Variants in BABAM1 observed in about 807,000 individuals in gnomAD.
BABAM1 encodes the protein BRISC and BRCA1-A complex member 1.
Under a neutral mutation model 34.4 loss-of-function variants are expected in BABAM1, and 14 were observed. That is an observed-to-expected ratio of 0.41 (90% confidence interval 0.27 to 0.64). The LOEUF (loss-of-function observed/expected upper bound fraction) is 0.64. Ranked by LOEUF, BABAM1 falls within the 30% of genes least tolerant of loss-of-function variation. The probability of loss-of-function intolerance (pLI) is 0.34; values close to 1 mark genes in which losing one functional copy is unlikely to be tolerated. For synonymous variants in BABAM1, 169 were observed against 165.8 expected (o/e 1.02, Z -0.15); for missense variants, 393 against 434.0 (o/e 0.91, Z 0.84).
chr19:17,272,983 A>C (rs924481083), intron 3 of BABAM1, among the ~76,000 whole-genome samples: 16 of 152,110 alleles, frequency 1.1e-4, no homozygotes, highest in African/African-American at 3.9e-4. Context: ...GCGCCATTGC[A>C]CTCCAGCCTG....
At chr19:17,276,663 A>T (rs1207601116) in intron 7 of BABAM1, 39 bp downstream of exon 7, 1 of 1,579,802 alleles carries the variant, frequency 6.3e-7, no homozygotes, top group Non-Finnish European at 8.6e-7. Context: ...GCCTGCAGCC[A>T]TGAGGATGGT....
rs1267028244 is a variant in BABAM1, at chr19:17,268,813, G to A, written c.7G>A (p.Val3Met). Residue 3 changes from valine (V) to methionine (M), a missense_variant, in exon 2 of 9, where the codon GTG becomes ATG. Val to Met is a conservative substitution (Grantham distance 21). Transcript: ENST00000598188. ME[V>M]AEPSSPTEEE... ...ATCTAGCCACACAGGAGCCATGGAA[G>A]TGGCAGAGCCCAGCAGCCCCACTGA... The A allele has an allele frequency of 6.2e-7, 1 of 1,601,878 alleles. No homozygotes were observed. Among genetic ancestry groups the A allele is most frequent in the South Asian group, 1.1e-5 (1 of 90,048 alleles).
At position 17,278,949 on chromosome 19, in the gene BABAM1, A is replaced by T. The variant is rs1288030235; in HGVS notation, c.891A>T (p.Lys297Asn). Residue 297 changes from lysine (K) to asparagine (N), a missense_variant, in exon 9 of 9, where the codon AAA becomes AAT. Lys to Asn is a moderately conservative substitution (Grantham distance 94). Coordinates refer to ENST00000598188, the MANE Select transcript of BABAM1 (RefSeq NM_014173.4). ...PALELHNCMA[K>N]LLAHPLQRPC... ...TGGAGTTGCACAACTGCATGGCGAA[A>T]CTGTTGGCCCACCCCCTGCAGCGGC... 1.4e-5 allele frequency: 22 copies of T among 1,613,120 alleles called. No individual in the cohort carries two copies. Among genetic ancestry groups the T allele is most frequent in the Non-Finnish European group, 1.7e-5 (20 of 1,179,700 alleles).
chr19:17,276,639 G>A lies in BABAM1; in HGVS notation c.699+15G>A, dbSNP rs2073912468. 2 of 1,595,844 alleles carry A rather than the reference G, an allele frequency of 1.3e-6. No individual in the cohort carries two copies. The highest frequency in any genetic ancestry group is 1.7e-6 in the Non-Finnish European group (2 of 1,171,362). On this transcript the variant is annotated intron_variant, in intron 7 of 8. Coordinates refer to ENST00000598188, the MANE Select transcript of BABAM1 (RefSeq NM_014173.4). Reference sequence around the variant, plus strand: ...AGCCCATGAAGGTGGGTGAGGCCTGGGAGAGGGAGGGGTGCCTGCAGCCAT... The same window carrying A: ...AGCCCATGAAGGTGGGTGAGGCCTGAGAGAGGGAGGGGTGCCTGCAGCCAT...
intron 8 of BABAM1, 139 bp downstream of exon 8, chr19:17,277,048 T>C: frequency 2.6e-6 from 2 of 771,320 alleles, no homozygotes; most frequent in Non-Finnish European, 4.1e-6. Flanking sequence ...GCATTGGTCA[T>C]TGAACAGCCG....
chr19:17,272,784 C>A (rs545999701), intron 3 of BABAM1, among the ~76,000 whole-genome samples: 1 of 152,036 alleles, frequency 6.6e-6, no homozygotes, highest in East Asian at 2.0e-4. Context: ...TTTGGGAGGC[C>A]AAGGTGGGCG....
At chr19:17,276,730 TC>T (rs773632474) in intron 7 of BABAM1, 92 bp from the exon 8 acceptor site, 20 of 1,554,476 alleles carry the variant, frequency 1.3e-5, no homozygotes, top group Non-Finnish European at 1.7e-5. Context: ...AGAGGTAAGT[TC>T]CCAGAGTCTG....
At chr19:17,270,575 G>A (rs971361203) in intron 2 of BABAM1, among the ~76,000 whole-genome samples, 1 of 147,508 alleles carries the variant, frequency 6.8e-6, no homozygotes, top group African/African-American at 2.5e-5. Flanking sequence ...CACCAGGCTG[G>A]TGTGCAGTGG....
At chr19:17,272,848 C>T (rs978425689) in intron 3 of BABAM1, among the ~76,000 whole-genome samples, 5 of 152,202 alleles carry the variant, frequency 3.3e-5, no homozygotes, top group African/African-American at 1.2e-4. Context: ...GAAACCCCCA[C>T]CTCCACTAAA....
At position 17,272,649 on chromosome 19, in the gene BABAM1, G is replaced by A. The variant is rs573721239; in HGVS notation, c.344+994G>A. ...CTCAAATCTCCTGACCTCATGATCC[G>A]CCTGCCTCGGCCTCCCAAAGTGCTG... On this transcript the variant is annotated intron_variant, in intron 3 of 8. Transcript: ENST00000598188. 9.2e-5 allele frequency among the ~76,000 whole-genome samples: 14 copies of A among 151,680 alleles called. No homozygotes were observed. The South Asian group carries it at 1.3e-3, about 14-fold the overall frequency.
At chr19:17,272,635 T>A (rs1293130647) in intron 3 of BABAM1, among the ~76,000 whole-genome samples, 2 of 150,890 alleles carry the variant, frequency 1.3e-5, no homozygotes, top group Non-Finnish European at 3.0e-5. Context: ...TCAAATCTCC[T>A]GACCTCATGA....
chr19:17,275,730 C>G, intron 5 of BABAM1, 71 bp from the exon 6 acceptor site: 1 of 1,599,768 alleles, frequency 6.3e-7, no homozygotes, highest in Non-Finnish European at 8.6e-7. Flanking sequence ...CCTCTGGTAT[C>G]GGGATCGGGG....
chr19:17,274,121 C>T lies in BABAM1; in HGVS notation c.480C>T (p.Thr160=), dbSNP rs759442902. 1.4e-5 allele frequency: 23 copies of T among 1,613,644 alleles called. No individual in the cohort carries two copies. The highest frequency in any genetic ancestry group is 3.3e-5 in the South Asian group (3 of 91,086). Reference sequence around the variant, plus strand: ...CTTCCCTGCAGCTGTCTGGCCTGACCTCCGACCCCCGCGAGCTCTGTAGCT... The same window carrying T: ...CTTCCCTGCAGCTGTCTGGCCTGACTTCCGACCCCCGCGAGCTCTGTAGCT... ...NDDTAWLSGL[T]SDPRELCSCL... The change falls in exon 5 of 9, where the codon ACC becomes ACT. Residue 160 remains threonine, a synonymous_variant. Transcript: ENST00000598188.
At chr19:17,271,702 G>T in intron 3 of BABAM1, 47 bp downstream of exon 3, 3 of 1,588,174 alleles carry the variant, frequency 1.9e-6, no homozygotes, top group Non-Finnish European at 1.7e-6. Flanking sequence ...TGGCAGGGAG[G>T]GTCCAGCCCA....
intron 2 of BABAM1, among the ~76,000 whole-genome samples, chr19:17,269,839 C>T (rs1599489439): frequency 6.6e-6 from 1 of 152,000 alleles, no homozygotes; most frequent in Admixed American, 6.6e-5. Context: ...ATGCCATTCT[C>T]CCGCCTCAGC....
chr19:17,271,747 A>T (rs1273466145), intron 3 of BABAM1, 92 bp downstream of exon 3: 1 of 1,427,552 alleles, frequency 7.0e-7, no homozygotes, highest in African/African-American at 1.4e-5. Flanking sequence ...AACTCACACC[A>T]GCTTGGTCTG....
At chr19:17,275,595 A>G (rs961779131) in intron 5 of BABAM1, among the ~76,000 whole-genome samples, 1 of 152,130 alleles carries the variant, frequency 6.6e-6, no homozygotes, top group African/African-American at 2.4e-5. Context: ...TGGCATACCA[A>G]GAGTCTTAAA....
At chr19:17,272,731 A>G (rs895276635) in intron 3 of BABAM1, among the ~76,000 whole-genome samples, 4 of 151,874 alleles carry the variant, frequency 2.6e-5, no homozygotes, top group Admixed American at 6.6e-5. Flanking sequence ...AAAAAAGGAA[A>G]AAAGAAGCCG....
chr19:17,278,874 T>G lies in BABAM1; in HGVS notation c.816T>G (p.Asp272Glu). 6.2e-7 allele frequency: 1 copy of G among 1,613,464 alleles called. No individual in the cohort carries two copies. Among genetic ancestry groups the G allele is most frequent in the Non-Finnish European group, 8.5e-7 (1 of 1,179,780 alleles). The change falls in exon 9 of 9, where the codon GAT becomes GAG. Residue 272 changes from aspartate to glutamate, a missense_variant. Coordinates refer to ENST00000598188, the MANE Select transcript of BABAM1 (RefSeq NM_014173.4). ...TGTTTGCCTTCATGGGCAGCCTGGA[T>G]ACCAAGGGTACCAGCTACAAGTATG... is the stretch of plus-strand genomic sequence containing the variant. ...KDMFAFMGSLDTKGTSYKYEV... is the reference protein window; with the variant it reads ...KDMFAFMGSLETKGTSYKYEV...
Sources: allele counts gnomAD v4.1 joint callset (sites outside exome capture counted in the v4.1 genomes callset), GRCh38; gene constraint gnomAD v4.1.1; transcripts MANE v1.5; gene names NCBI Gene and HGNC (gene_info 2026-07-23, HGNC 2026-07-21).